Variants in PRR16 observed in about 807,000 individuals in gnomAD.
PRR16 encodes the protein proline rich 16, also known as protein Largen.
PRR16 carries 6 observed loss-of-function variants against 18.2 expected under a neutral mutation model. The ratio of observed to expected loss-of-function variants is 0.33; its 90% confidence interval spans 0.18 to 0.65. PRR16 has a LOEUF of 0.65. PRR16 is among the 30% of genes least tolerant of loss of function. PRR16 has a pLI of 0.74. For synonymous variants in PRR16, 151 were observed against 147.8 expected, an observed-to-expected ratio of 1.02 and a Z score of -0.16; for missense variants, 412 against 376.6, an observed-to-expected ratio of 1.09 and a Z score of -0.78.
At chr5:120,606,594 A>G (rs529694195) in intron 1 of PRR16, among the ~76,000 whole-genome samples, 1 of 152,200 alleles carries the variant, frequency 6.6e-6, no homozygotes, top group South Asian at 2.1e-4. Context: ...TCATCAGTTG[A>G]TGCTCTTAGG....
intron 1 of PRR16, among the ~76,000 whole-genome samples, chr5:120,514,357 G>C (rs1231237689): frequency 1.3e-5 from 2 of 152,056 alleles, no homozygotes; most frequent in Non-Finnish European, 2.9e-5. Flanking sequence ...CCTTAGCAAA[G>C]GGTTGCTTGG....
At chr5:120,768,343 A>T in the PRR16 span, among the ~76,000 whole-genome samples, 1 of 151,768 alleles carries the variant, frequency 6.6e-6, no homozygotes, top group African/African-American at 2.4e-5. Flanking sequence ...TCTCAATATA[A>T]ATTATTCATT....
At chr5:120,597,984 A>G (rs1051895763) in intron 1 of PRR16, among the ~76,000 whole-genome samples, 2 of 151,874 alleles carry the variant, frequency 1.3e-5, no homozygotes, top group African/African-American at 4.8e-5. Flanking sequence ...ATGGATTATG[A>G]ATATGGAGGT....
intron 1 of PRR16, among the ~76,000 whole-genome samples, chr5:120,555,204 C>G (rs1054188305): frequency 6.6e-6 from 1 of 151,872 alleles, no homozygotes; most frequent in Non-Finnish European, 1.5e-5. Flanking sequence ...AACATTTTCT[C>G]TGCTCCAAAT....
At position 120,676,627 on chromosome 5, in the gene PRR16, A is replaced by G. The variant is rs76704351; in HGVS notation, c.160-9327A>G. On this transcript the variant is annotated intron_variant, in intron 1 of 1. Transcript: ENST00000407149. ...AAATAATACAATTATGGTGCTTGAG[A>G]TGTTTCAGACAGCAAAGACAGACAT... Among the ~76,000 whole-genome samples, 700 of 152,178 alleles carry G rather than the reference A, an allele frequency of 4.6e-3. 2 individuals carry two copies. The highest frequency in any genetic ancestry group is 7.0e-3 in the Non-Finnish European group (477 of 67,998).
intron 1 of PRR16, among the ~76,000 whole-genome samples, chr5:120,515,695 A>T (rs1471471473): frequency 6.6e-6 from 1 of 152,196 alleles, no homozygotes; most frequent in Non-Finnish European, 1.5e-5. Flanking sequence ...ACTTGTATGT[A>T]TGTGGATATT....
Position 120,649,654 on chromosome 5 carries a change from T to C in PRR16, c.160-36300T>C, listed in dbSNP as rs145578919. ...ACATTTTATAATTTGCAATATAATATGGGAAAAATCTACCATGTTATTTTC... is the reference window on the plus strand; with the variant it reads ...ACATTTTATAATTTGCAATATAATACGGGAAAAATCTACCATGTTATTTTC... On this transcript the variant is annotated intron_variant, in intron 1 of 1. Coordinates refer to ENST00000407149, the MANE Select transcript of PRR16 (RefSeq NM_001300783.2). Among the ~76,000 whole-genome samples, 854 of 152,232 alleles carry C rather than the reference T, an allele frequency of 5.6e-3. 15 individuals carry two copies. Among genetic ancestry groups the C allele is most frequent in the African/African-American group, 0.019 (795 of 41,542 alleles).
chr5:120,740,673 T>C, the PRR16 span, among the ~76,000 whole-genome samples: 1 of 152,184 alleles, frequency 6.6e-6, no homozygotes. Flanking sequence ...TCAGCTATTC[T>C]TAAACCTTCT....
chr5:120,689,435 C>A (rs987093093), downstream of PRR16, among the ~76,000 whole-genome samples: 1 of 152,140 alleles, frequency 6.6e-6, no homozygotes, highest in African/African-American at 2.4e-5. Context: ...TGTTGAAGTG[C>A]AAGCTCTACA....
At chr5:120,754,857 C>T in the PRR16 span, among the ~76,000 whole-genome samples, 2 of 150,550 alleles carry the variant, frequency 1.3e-5, no homozygotes, top group Non-Finnish European at 3.0e-5. Flanking sequence ...CCTCGTAGTT[C>T]AATAGTCAGA....
the PRR16 span, among the ~76,000 whole-genome samples, chr5:120,762,028 G>A: frequency 1.3e-5 from 2 of 152,174 alleles, no homozygotes; most frequent in East Asian, 3.9e-4. Context: ...TTTCATGCAT[G>A]TTACTGAAAG....
chr5:120,539,835 T>G lies in PRR16; in HGVS notation c.159+75190T>G, dbSNP rs542689163. Among the ~76,000 whole-genome samples the G allele has an allele frequency of 7.3e-5, 11 of 150,414 alleles. No homozygotes were observed. In the East Asian group the frequency reaches 9.7e-4, roughly 13 times the overall value. ...TGAAAAACACTGTATGAATATTAGG[T>G]TTTTTTTTCTTTTTTTTGGATGAGT... On this transcript the variant is annotated intron_variant, in intron 1 of 1. Transcript: ENST00000407149.
chr5:120,679,166 CTTTG>C (rs1288105326), intron 1 of PRR16, among the ~76,000 whole-genome samples: 1 of 152,162 alleles, frequency 6.6e-6, no homozygotes, highest in Non-Finnish European at 1.5e-5. Context: ...TTAAAACTCT[CTTTG>C]TTTCACTGTG....
chr5:120,698,881 A>T, the PRR16 span, among the ~76,000 whole-genome samples: 1 of 152,088 alleles, frequency 6.6e-6, no homozygotes, highest in Non-Finnish European at 1.5e-5. Context: ...GAGCCTGAAA[A>T]ACTGCTTGGC....
At chr5:120,577,628 G>T (rs1753123820) in intron 1 of PRR16, among the ~76,000 whole-genome samples, 1 of 152,042 alleles carries the variant, frequency 6.6e-6, no homozygotes, top group Non-Finnish European at 1.5e-5. Flanking sequence ...GTTTACTTTG[G>T]GTAGGTAACG....
At chr5:120,679,672 G>T (rs1756911231) in intron 1 of PRR16, among the ~76,000 whole-genome samples, 1 of 152,032 alleles carries the variant, frequency 6.6e-6, no homozygotes, top group African/African-American at 2.4e-5. Flanking sequence ...AACCTTAAGA[G>T]AAAGGGGAAG....
chr5:120,712,634 A>G, the PRR16 span, among the ~76,000 whole-genome samples: 652 of 152,266 alleles, frequency 4.3e-3, 8 homozygotes, highest in African/African-American at 0.015. Flanking sequence ...AAAAAAATCC[A>G]ATTTTAAAAT....
intron 1 of PRR16, among the ~76,000 whole-genome samples, chr5:120,575,376 C>T (rs577403764): frequency 2.3e-4 from 34 of 148,458 alleles, no homozygotes; most frequent in Admixed American, 1.9e-3. Flanking sequence ...GCCAATATCT[C>T]TGATGAACAT....
At chr5:120,641,656 A>G (rs144044718) in intron 1 of PRR16, among the ~76,000 whole-genome samples, 229 of 152,178 alleles carry the variant, frequency 1.5e-3, no homozygotes, top group African/African-American at 4.9e-3. Flanking sequence ...TTGGGCTTCA[A>G]TCTGCTCTAG....
Sources: gnomAD v4.1 joint callset for allele counts (sites outside exome capture counted in the v4.1 genomes callset) on GRCh38, gnomAD v4.1.1 for gene constraint, MANE v1.5 for transcripts, NCBI Gene and HGNC (gene_info 2026-07-23, HGNC 2026-07-21) for gene names.